The following TNRC6A variants were observed in gnomAD, a reference collection of about 807,000 sequenced individuals.
TNRC6A encodes the protein trinucleotide repeat containing adaptor 6A.
In TNRC6A, 44 loss-of-function variants were observed where a neutral mutation model predicts 221.2. The observed-to-expected ratio is 0.20, with a 90% CI of 0.16 to 0.26. The LOEUF (loss-of-function observed/expected upper bound fraction) is 0.26, where lower values mean the gene tolerates loss of function less well. TNRC6A is among the 10% of genes least tolerant of loss of function. The probability of loss-of-function intolerance (pLI) is 1.00; values close to 1 mark genes in which losing one functional copy is unlikely to be tolerated. For missense variants in TNRC6A, 2,199 were observed against 2,404.4 expected (o/e 0.91, Z 1.79); for synonymous variants, 847 against 838.5 (o/e 1.01, Z -0.18).
intron 2 of TNRC6A, among the ~76,000 whole-genome samples, chr16:24,706,202 G>A (rs2056089961): frequency 6.6e-6 from 1 of 152,138 alleles, no homozygotes. Flanking sequence ...ATGTAAAGAT[G>A]CACATTCTCC....
At chr16:24,618,971 T>C (rs1900528710) in intron 1 of TNRC6A, among the ~76,000 whole-genome samples, 1 of 152,152 alleles carries the variant, frequency 6.6e-6, no homozygotes, top group African/African-American at 2.4e-5. Context: ...AGTTCATATA[T>C]AAAAGCTATA....
chr16:24,687,316 A>G (rs2055647029), intron 2 of TNRC6A, among the ~76,000 whole-genome samples: 1 of 152,138 alleles, frequency 6.6e-6, no homozygotes, highest in Non-Finnish European at 1.5e-5. Flanking sequence ...ACCTCCTACT[A>G]AAGCCCAAGG....
chr16:24,742,356 A>T (rs1415223221), intron 2 of TNRC6A, among the ~76,000 whole-genome samples: 1 of 152,240 alleles, frequency 6.6e-6, no homozygotes, highest in Non-Finnish European at 1.5e-5. Flanking sequence ...AGGGGTCTTC[A>T]CTGCATGCTA....
chr16:24,770,080 A>G (rs150617115), intron 4 of TNRC6A, among the ~76,000 whole-genome samples: 22 of 152,332 alleles, frequency 1.4e-4, no homozygotes, highest in African/African-American at 4.1e-4. Context: ...AGATACGCCC[A>G]GTCTGGGGGT....
chr16:24,822,371 C>G (rs1313837001), intron 23 of TNRC6A, among the ~76,000 whole-genome samples: 1 of 152,158 alleles, frequency 6.6e-6, no homozygotes, highest in Non-Finnish European at 1.5e-5. Flanking sequence ...CAGGCCTCAC[C>G]CAGAGATTGA....
At chr16:24,643,469 C>T (rs1403129492) in intron 2 of TNRC6A, among the ~76,000 whole-genome samples, 1 of 151,942 alleles carries the variant, frequency 6.6e-6, no homozygotes, top group African/African-American at 2.4e-5. Flanking sequence ...CAGCTGTGAC[C>T]ACCCCGATCC....
intron 2 of TNRC6A, among the ~76,000 whole-genome samples, chr16:24,691,109 C>T (rs2055747824): frequency 6.6e-6 from 1 of 151,976 alleles, no homozygotes; most frequent in South Asian, 2.1e-4. Context: ...CGCACCTGGC[C>T]CCTGATGAAA....
chr16:24,735,360 C>T (rs1379782031), intron 2 of TNRC6A, among the ~76,000 whole-genome samples: 1 of 152,148 alleles, frequency 6.6e-6, no homozygotes, highest in Non-Finnish European at 1.5e-5. Context: ...GGATCCCACT[C>T]ATGCAATTCA....
chr16:24,804,033 G>T (rs2058379535), intron 11 of TNRC6A, 144 bp from the exon 12 acceptor site: 2 of 750,310 alleles, frequency 2.7e-6, no homozygotes, highest in South Asian at 5.3e-5. Flanking sequence ...CAAAATTTAT[G>T]AAATGGAAGT....
At chr16:24,796,526 T>G (rs1394789739) in intron 9 of TNRC6A, among the ~76,000 whole-genome samples, 1 of 152,072 alleles carries the variant, frequency 6.6e-6, no homozygotes, top group Non-Finnish European at 1.5e-5. Flanking sequence ...AAGGGACTAA[T>G]TTGAGAGGCA....
At chr16:24,739,447 A>AT (rs1464204755) in intron 2 of TNRC6A, among the ~76,000 whole-genome samples, 2 of 121,110 alleles carry the variant, frequency 1.7e-5, no homozygotes, top group Non-Finnish European at 3.6e-5. Context: ...ATTTACAGGT[A>AT]TTTTTTCCTA....
chr16:24,657,840 CT>C (rs36039279), intron 2 of TNRC6A, among the ~76,000 whole-genome samples: 22 of 148,172 alleles, frequency 1.5e-4, no homozygotes, highest in South Asian at 2.1e-4. Context: ...TTTTATGCCA[CT>C]TTTTTTTTTA....
chr16:24,810,286 G>A (rs951939679), intron 18 of TNRC6A, among the ~76,000 whole-genome samples: 5 of 151,854 alleles, frequency 3.3e-5, no homozygotes, highest in Admixed American at 2.0e-4. Flanking sequence ...AATATTAATC[G>A]AGTATCTTCT....
At chr16:24,795,099 G>T (rs7186893) in intron 8 of TNRC6A, among the ~76,000 whole-genome samples, 38,781 of 151,838 alleles carry the variant, frequency 0.26, 5,101 homozygotes, top group Middle Eastern at 0.32. Flanking sequence ...CCCGCCACCC[G>T]CTTACCCAGA....
chr16:24,751,638 G>A (rs1309073820), intron 3 of TNRC6A, among the ~76,000 whole-genome samples: 4 of 152,172 alleles, frequency 2.6e-5, no homozygotes, highest in African/African-American at 4.8e-5. Context: ...TAAAAACCTA[G>A]TGAAATTACT....
At chr16:24,725,595 T>G (rs1408027652), upstream of TNRC6A, among the ~76,000 whole-genome samples, 1 of 152,138 alleles carries the variant, frequency 6.6e-6, no homozygotes, top group Non-Finnish European at 1.5e-5. Flanking sequence ...AGAAACATTC[T>G]TTGTTGCATA....
intron 2 of TNRC6A, among the ~76,000 whole-genome samples, chr16:24,680,943 T>A (rs1047241022): frequency 3.3e-5 from 5 of 151,586 alleles, no homozygotes; most frequent in African/African-American, 1.2e-4. Flanking sequence ...AAAAAAAATT[T>A]TTTTTTTGAG....
At chr16:24,746,743 A>G (rs543816393) in intron 2 of TNRC6A, among the ~76,000 whole-genome samples, 1 of 152,342 alleles carries the variant, frequency 6.6e-6, no homozygotes, top group South Asian at 2.1e-4. Context: ...TAGCAAGTAC[A>G]AGAGTACCCT....
At chr16:24,690,020 A>T (rs1173682185) in intron 2 of TNRC6A, among the ~76,000 whole-genome samples, 1 of 63,042 alleles carries the variant, frequency 1.6e-5, no homozygotes, top group Non-Finnish European at 3.5e-5. Context: ...AAAAAAAAAA[A>T]AAAAAAATTT....
Sources: allele counts gnomAD v4.1 joint callset (sites outside exome capture counted in the v4.1 genomes callset), GRCh38; gene constraint gnomAD v4.1.1; transcripts MANE v1.5; gene names NCBI Gene and HGNC (gene_info 2026-07-23, HGNC 2026-07-21).